AMBRA1: variants seen among roughly 807,000 people sequenced by gnomAD.
AMBRA1 encodes autophagy and beclin 1 regulator 1, also known as activating molecule in BECN1-regulated autophagy protein 1.
Under a neutral mutation model 125.4 loss-of-function variants are expected in AMBRA1, and 47 were observed. That is an observed-to-expected ratio of 0.37 (90% CI 0.30 to 0.48). The LOEUF (loss-of-function observed/expected upper bound fraction) is 0.48, where lower values mean the gene tolerates loss of function less well. AMBRA1 is among the 20% of genes least tolerant of loss of function. The probability of loss-of-function intolerance (pLI) is 0.99; values close to 1 mark genes in which losing one functional copy is unlikely to be tolerated. For synonymous variants in AMBRA1, 626 were observed against 655.5 expected, an observed-to-expected ratio of 0.95 and a Z score of 0.69; for missense variants, 1,331 against 1,693.4, an observed-to-expected ratio of 0.79 and a Z score of 3.76.
At chr11:46,576,017 T>G (rs2043949713) in intron 1 of AMBRA1, among the ~76,000 whole-genome samples, 1 of 152,172 alleles carries the variant, frequency 6.6e-6, no homozygotes, top group African/African-American at 2.4e-5. Context: ...GGTCCCAATC[T>G]AAGCCCAGTC....
rs1300895260 is a variant in AMBRA1, at chr11:46,593,932, C to T, written c.-225G>A. On this transcript the variant is annotated 5_prime_UTR_variant, in exon 1 of 18. Transcript: ENST00000683756. ...AAAGGAAGGGGTCCGTTCTACCGAC[C>T]GGCAGGAGAAGGCGGCTTGAGCGCG... The T allele has an allele frequency of 2.3e-5, 9 of 398,602 alleles. No individual in the cohort carries two copies. The allele number at this position is 398,602 out of a possible 1,614,324, so 24.7% of individuals were successfully genotyped here.
At chr11:46,398,194 G>T (rs1395859691) in intron 17 of AMBRA1, among the ~76,000 whole-genome samples, 1 of 152,250 alleles carries the variant, frequency 6.6e-6, no homozygotes, top group East Asian at 1.9e-4. Flanking sequence ...AGGCAGCACT[G>T]GCCCAGAAGG....
intron 1 of AMBRA1, among the ~76,000 whole-genome samples, chr11:46,592,049 G>A (rs1275103755): frequency 6.8e-6 from 1 of 147,396 alleles, no homozygotes; most frequent in Non-Finnish European, 1.5e-5. Context: ...GAGTTCAAGT[G>A]ATTCTCCTGC....
At chr11:46,434,804 G>A (rs1242019756) in intron 13 of AMBRA1, 45 bp downstream of exon 13, 1 of 1,529,320 alleles carries the variant, frequency 6.5e-7, no homozygotes, top group East Asian at 2.3e-5. Flanking sequence ...CCATGCCAAG[G>A]CACCAGCGTC....
At chr11:46,481,655 G>A (rs1000517498) in intron 11 of AMBRA1, among the ~76,000 whole-genome samples, 31 of 152,144 alleles carry the variant, frequency 2.0e-4, no homozygotes, top group South Asian at 4.1e-4. Flanking sequence ...GATCTACCGC[G>A]CCCGGCCTAT....
At chr11:46,488,431 G>C (rs910855420) in intron 11 of AMBRA1, among the ~76,000 whole-genome samples, 2 of 151,134 alleles carry the variant, frequency 1.3e-5, no homozygotes, top group Non-Finnish European at 2.9e-5. Flanking sequence ...GCAACAGAGC[G>C]AGGCTCTGTC....
intron 11 of AMBRA1, among the ~76,000 whole-genome samples, chr11:46,475,989 A>G (rs1021051801): frequency 1.3e-5 from 2 of 152,218 alleles, no homozygotes; most frequent in African/African-American, 4.8e-5. Context: ...CCATAGCTGC[A>G]TTAGCCTTTC....
chr11:46,398,521 T>C (rs1945564396), intron 17 of AMBRA1, among the ~76,000 whole-genome samples: 1 of 152,120 alleles, frequency 6.6e-6, no homozygotes, highest in Non-Finnish European at 1.5e-5. Context: ...GTCTCACTCT[T>C]TCACCCAGGC....
At chr11:46,442,869 A>G (rs1948087662) in intron 12 of AMBRA1, among the ~76,000 whole-genome samples, 1 of 152,188 alleles carries the variant, frequency 6.6e-6, no homozygotes, top group African/African-American at 2.4e-5. Context: ...TTATAGGTGC[A>G]TGCCATCATG....
At chr11:46,582,406 T>C (rs932764449) in intron 1 of AMBRA1, among the ~76,000 whole-genome samples, 1 of 152,196 alleles carries the variant, frequency 6.6e-6, no homozygotes. Flanking sequence ...TATTCTTCTG[T>C]CATAGGTTTG....
At chr11:46,426,362 T>TGTAG (rs1947135812) in intron 14 of AMBRA1, among the ~76,000 whole-genome samples, 1 of 152,154 alleles carries the variant, frequency 6.6e-6, no homozygotes, top group South Asian at 2.1e-4. Flanking sequence ...AAGCCAGGCA[T>TGTAG]TGCACATGGA....
intron 11 of AMBRA1, among the ~76,000 whole-genome samples, chr11:46,477,487 A>C (rs1949863467): frequency 1.3e-5 from 2 of 148,966 alleles, no homozygotes; most frequent in Non-Finnish European, 1.5e-5. Flanking sequence ...TACCAAGCTC[A>C]GCTAATTTCT....
rs775761468 is a variant in AMBRA1 at position 46,545,656 on chromosome 11, G to A, written c.499C>T (p.Arg167Ter). The A allele has an allele frequency of 6.2e-7, 1 of 1,613,974 alleles. No individual in the cohort carries two copies. Among genetic ancestry groups the A allele is most frequent in the Non-Finnish European group, 8.5e-7 (1 of 1,179,998 alleles). The change falls in exon 5 of 18, where the codon CGA becomes TGA. Residue 167 changes from arginine (R) to a stop codon, truncating the protein, a stop_gained. Transcript: ENST00000683756. LOFTEE classifies it high-confidence loss of function. ...TTCACCACAGCAAAGGGTTCCCGTC[G>A]ACTCCAGTCCCAGAAGTGGATCTCA... The part of the protein sequence containing the change: ...ANEIHFWDWS[R>*]REPFAVVKTA...
At chr11:46,463,403 G>A (rs1054837020) in intron 11 of AMBRA1, among the ~76,000 whole-genome samples, 1 of 152,188 alleles carries the variant, frequency 6.6e-6, no homozygotes, top group African/African-American at 2.4e-5. Context: ...ATGCTCTGCT[G>A]TAGAAGGTAT....
intron 1 of AMBRA1, among the ~76,000 whole-genome samples, chr11:46,553,227 G>A (rs1440963879): frequency 6.6e-6 from 1 of 152,010 alleles, no homozygotes; most frequent in Non-Finnish European, 1.5e-5. Context: ...ACAAGCGTGA[G>A]CCACCACGCC....
chr11:46,478,959 G>A (rs1411820794), intron 11 of AMBRA1, among the ~76,000 whole-genome samples: 1 of 152,192 alleles, frequency 6.6e-6, no homozygotes, highest in Non-Finnish European at 1.5e-5. Flanking sequence ...AACACTTTGG[G>A]AGGCCAAGGT....
chr11:46,502,094 T>C (rs1230545290), intron 9 of AMBRA1, among the ~76,000 whole-genome samples: 2 of 152,314 alleles, frequency 1.3e-5, no homozygotes, highest in Admixed American at 1.3e-4. Flanking sequence ...TTTTTTGTTT[T>C]AATTTTTTAT....
intron 11 of AMBRA1, among the ~76,000 whole-genome samples, chr11:46,451,543 TGAA>T (rs1948596200): frequency 6.6e-6 from 1 of 152,086 alleles, no homozygotes; most frequent in Non-Finnish European, 1.5e-5. Context: ...AACAGTTCAG[TGAA>T]GATACTGAAC....
chr11:46,398,474 TGA>T (rs1338861108), intron 17 of AMBRA1, among the ~76,000 whole-genome samples: 2 of 152,184 alleles, frequency 1.3e-5, no homozygotes, highest in African/African-American at 2.4e-5. Context: ...CTGAGGAAGC[TGA>T]GAGTTATTTT....
Sources: gnomAD v4.1 joint callset for allele counts (sites outside exome capture counted in the v4.1 genomes callset) on GRCh38, gnomAD v4.1.1 for gene constraint, MANE v1.5 for transcripts, NCBI Gene and HGNC (gene_info 2026-07-23, HGNC 2026-07-21) for gene names.